Variants in PHLDB2 observed in about 807,000 individuals in gnomAD.
PHLDB2 encodes the protein pleckstrin homology-like domain family B member 2.
PHLDB2 carries 71 observed loss-of-function variants against 123.6 expected under a neutral mutation model. The observed-to-expected ratio is 0.57, with a 90% CI of 0.47 to 0.70. The LOEUF (loss-of-function observed/expected upper bound fraction) is 0.70. Ranked by LOEUF, PHLDB2 falls within the 30% of genes least tolerant of loss-of-function variation. The pLI is 0.00. For synonymous variants in PHLDB2, 547 were observed against 541.6 expected, an observed-to-expected ratio of 1.01 and a Z score of -0.14; for missense variants, 1,446 against 1,519.5, an observed-to-expected ratio of 0.95 and a Z score of 0.80.
At chr3:111,867,999 C>G (rs571580234) in intron 1 of PHLDB2, among the ~76,000 whole-genome samples, 1 of 150,918 alleles carries the variant, frequency 6.6e-6, no homozygotes, top group African/African-American at 2.4e-5. Context: ...CTGCTCCCAG[C>G]TCATACTTTT....
rs138075789 is a variant in PHLDB2, at chr3:111,968,340, T to C, written c.3315+516T>C. On this transcript the variant is annotated intron_variant, in intron 15 of 17. Coordinates refer to ENST00000431670, the MANE Select transcript of PHLDB2 (RefSeq NM_001134438.2). The stretch of plus-strand genomic sequence containing the variant: ...TGTCTTTTTTCTGAGCACTGTATTG[T>C]CACATGTGTTCCCTTTGCTACAGTA... Among the ~76,000 whole-genome samples, 166 of 152,364 alleles carry C rather than the reference T, an allele frequency of 1.1e-3. 1 individual carries two copies. The highest frequency in any genetic ancestry group is 3.9e-3 in the African/African-American group (161 of 41,588).
chr3:111,961,683 C>T (rs2107663424), intron 12 of PHLDB2, among the ~76,000 whole-genome samples: 1 of 152,288 alleles, frequency 6.6e-6, no homozygotes. Flanking sequence ...AGACTGAGTG[C>T]TCCTTAAGTT....
intron 2 of PHLDB2, among the ~76,000 whole-genome samples, chr3:111,892,433 T>A (rs1474363949): frequency 6.6e-6 from 1 of 152,236 alleles, no homozygotes; most frequent in African/African-American, 2.4e-5. Flanking sequence ...GGAAGCATTC[T>A]TTACATGTTT....
intron 9 of PHLDB2, among the ~76,000 whole-genome samples, chr3:111,947,007 G>A (rs901324305): frequency 2.0e-5 from 3 of 152,194 alleles, no homozygotes. Context: ...ATGTTGGGAT[G>A]AAGTAAATAA....
intron 6 of PHLDB2, among the ~76,000 whole-genome samples, chr3:111,937,667 T>C (rs1559912119): frequency 6.6e-6 from 1 of 151,666 alleles, no homozygotes; most frequent in African/African-American, 2.4e-5. Flanking sequence ...TCCCAGCTAC[T>C]TGGGAGGTTG....
intron 1 of PHLDB2, among the ~76,000 whole-genome samples, chr3:111,795,025 A>G (rs2061094894): frequency 6.6e-6 from 1 of 152,214 alleles, no homozygotes; most frequent in Admixed American, 6.5e-5. Flanking sequence ...AATCGGGGGT[A>G]TAGCTCAGTG....
chr3:111,741,187 T>C (rs1395300981), intron 1 of PHLDB2, among the ~76,000 whole-genome samples: 2 of 152,178 alleles, frequency 1.3e-5, no homozygotes, highest in Admixed American at 1.3e-4. Flanking sequence ...GAACTCTGTT[T>C]TCCTACTTTC....
At chr3:111,908,221 C>T (rs1346761204) in intron 2 of PHLDB2, among the ~76,000 whole-genome samples, 1 of 152,094 alleles carries the variant, frequency 6.6e-6, no homozygotes, top group Non-Finnish European at 1.5e-5. Flanking sequence ...TAGATAATCT[C>T]CCAGAAGCCA....
intron 1 of PHLDB2, among the ~76,000 whole-genome samples, chr3:111,819,105 G>C (rs2062241405): frequency 6.6e-6 from 1 of 152,124 alleles, no homozygotes; most frequent in South Asian, 2.1e-4. Flanking sequence ...CTCATATTCA[G>C]AGAGAATGTG....
At chr3:111,961,960 C>A in intron 12 of PHLDB2, 148 bp from the exon 13 acceptor site, 1 of 734,092 alleles carries the variant, frequency 1.4e-6, no homozygotes, top group Non-Finnish European at 2.2e-6. Context: ...GGTGCTCTTT[C>A]TTTGATCTTC....
intron 7 of PHLDB2, among the ~76,000 whole-genome samples, chr3:111,940,125 G>T (rs1292887183): frequency 6.6e-6 from 1 of 151,508 alleles, no homozygotes; most frequent in Non-Finnish European, 1.5e-5. Flanking sequence ...TCATACCCAG[G>T]GCTCTGTACT....
intron 2 of PHLDB2, among the ~76,000 whole-genome samples, chr3:111,900,337 G>T (rs1166477571): frequency 1.3e-5 from 2 of 152,052 alleles, no homozygotes; most frequent in Non-Finnish European, 2.9e-5. Flanking sequence ...CTCATTTTTG[G>T]CATGCCTTTC....
chr3:111,802,849 T>C (rs1030449050), intron 1 of PHLDB2, among the ~76,000 whole-genome samples: 29 of 152,198 alleles, frequency 1.9e-4, no homozygotes, highest in African/African-American at 6.3e-4. Flanking sequence ...TGTGAACACA[T>C]GTTTTTTGTC....
intron 1 of PHLDB2, among the ~76,000 whole-genome samples, chr3:111,745,669 G>A (rs903576158): frequency 1.6e-4 from 24 of 152,168 alleles, no homozygotes; most frequent in African/African-American, 5.5e-4. Flanking sequence ...GGCTGAGACA[G>A]GAGAATTGCT....
chr3:111,945,390 G>T lies in PHLDB2; in HGVS notation c.2487+33G>T, dbSNP rs771280728. ...ATGATTTTACATGTCGCTTTATGTTGCCTTAGAAATCAGGAGATGTATTTC... is the reference window on the plus strand; with the variant it reads ...ATGATTTTACATGTCGCTTTATGTTTCCTTAGAAATCAGGAGATGTATTTC... On this transcript the variant is annotated intron_variant, in intron 9 of 17. Coordinates refer to ENST00000431670, the MANE Select transcript of PHLDB2 (RefSeq NM_001134438.2). 5 of 1,452,586 alleles carry T rather than the reference G, an allele frequency of 3.4e-6. No homozygotes were observed. In the Admixed American group the frequency reaches 6.9e-5, roughly 20 times the overall value. 90.0% of individuals were successfully genotyped at this position (1,452,586 alleles called of 1,614,324 possible).
At chr3:111,899,622 G>T (rs2067074039) in intron 2 of PHLDB2, among the ~76,000 whole-genome samples, 1 of 152,156 alleles carries the variant, frequency 6.6e-6, no homozygotes, top group African/African-American at 2.4e-5. Context: ...TTTTGGAATG[G>T]TCAATGAGCA....
At chr3:111,948,567 T>C (rs570334059) in intron 9 of PHLDB2, among the ~76,000 whole-genome samples, 2 of 152,302 alleles carry the variant, frequency 1.3e-5, no homozygotes, top group African/African-American at 4.8e-5. Flanking sequence ...TACATCTTGG[T>C]GTACTATTAC....
At chr3:111,845,374 A>C (rs1348218839) in intron 1 of PHLDB2, among the ~76,000 whole-genome samples, 4 of 150,002 alleles carry the variant, frequency 2.7e-5, no homozygotes, top group Admixed American at 6.6e-5. Context: ...AAAAAAAAAA[A>C]AAAAAAAAAA....
rs1875132 is a variant in PHLDB2 at position 111,908,527 on chromosome 3, G to A, written c.1336-4792G>A. Among the ~76,000 whole-genome samples the A allele has an allele frequency of 6.5e-3, 987 of 152,304 alleles. 11 individuals are homozygous for A. Among genetic ancestry groups the A allele is most frequent in the African/African-American group, 0.023 (944 of 41,564 alleles). The stretch of plus-strand genomic sequence containing the variant: ...GGAGCCAACACCTGCAGCCAATCTG[G>A]AGAGCCACTCTGCCATGTTAGAGCA... On this transcript the variant is annotated intron_variant, in intron 2 of 17. Transcript: ENST00000431670.
Sources: gnomAD v4.1 joint callset for allele counts (sites outside exome capture counted in the v4.1 genomes callset) on GRCh38, gnomAD v4.1.1 for gene constraint, MANE v1.5 for transcripts, NCBI Gene and HGNC (gene_info 2026-07-23, HGNC 2026-07-21) for gene names.